ZNF568: variants seen among roughly 807,000 people sequenced by gnomAD.
ZNF568 encodes the protein p53 inhibitor of SCO2 activation.
Under a neutral mutation model 18.1 loss-of-function variants are expected in ZNF568, and 11 were observed. The observed-to-expected ratio is 0.61, with a 90% CI of 0.38 to 1.00. ZNF568 has a LOEUF of 1.00. ZNF568 is among the 50% of genes least tolerant of loss of function. The probability of loss-of-function intolerance (pLI) is 0.01; values close to 1 mark genes in which losing one functional copy is unlikely to be tolerated. For missense variants in ZNF568, 639 were observed against 768.2 expected (o/e 0.83, Z 1.99); for synonymous variants, 213 against 246.6 (o/e 0.86, Z 1.28).
rs371390347 is a variant in ZNF568, at chr19:36,950,202, T to G, written c.1049T>G (p.Ile350Ser). 9 of 1,613,728 alleles carry G rather than the reference T, an allele frequency of 5.6e-6. No homozygotes were observed. The highest frequency in any genetic ancestry group is 7.6e-6 in the Non-Finnish European group (9 of 1,179,754). The stretch of plus-strand genomic sequence containing the variant: ...TCCTTCAGCCAGAAGCAAAATCTTA[T>G]TGAGCACGAGAAAATTCATACTGGG... ...GKSFSQKQNLIEHEKIHTGEK... is the reference protein window; with the variant it reads ...GKSFSQKQNLSEHEKIHTGEK... The change falls in exon 7 of 7, where the codon ATT becomes AGT. Residue 350 changes from isoleucine to serine, a missense_variant. Physicochemically the swap from Ile to Ser is moderately radical, Grantham distance 142 (BLOSUM62 -2). Coordinates refer to ENST00000333987, the MANE Select transcript of ZNF568 (RefSeq NM_198539.4).
intron 4 of ZNF568, among the ~76,000 whole-genome samples, chr19:36,928,098 T>C (rs1287699369): frequency 6.7e-6 from 1 of 149,856 alleles, no homozygotes; most frequent in African/African-American, 2.5e-5. Flanking sequence ...GCATTTTTAG[T>C]AGAGATAGGG....
chr19:36,917,990 C>G (rs1191880130), intron 2 of ZNF568, among the ~76,000 whole-genome samples: 1 of 152,126 alleles, frequency 6.6e-6, no homozygotes, highest in Non-Finnish European at 1.5e-5. Flanking sequence ...GCTCTGTCAC[C>G]CAGGCTGGAG....
rs1202622732 is a variant in ZNF568, at chr19:36,950,849, G to A, written c.1696G>A (p.Ala566Thr). 3 of 1,613,576 alleles carry A rather than the reference G, an allele frequency of 1.9e-6. No homozygotes were observed. The highest frequency in any genetic ancestry group is 1.3e-5 in the African/African-American group (1 of 74,896). The change falls in exon 7 of 7, where the codon GCC becomes ACC. Residue 566 changes from alanine to threonine, a missense_variant. Ala to Thr is a moderately conservative substitution (Grantham distance 58, BLOSUM62 0). Coordinates refer to ENST00000333987, the MANE Select transcript of ZNF568 (RefSeq NM_198539.4). ...ATTCAAATGTAATGAATGTGGTAAA[G>A]CCTTCTCTCGAATCTCATCCCTCAC... ...KPFKCNECGK[A>T]FSRISSLTLH...
chr19:36,989,329 C>A (rs151274899), intron 2 of ZNF568, among the ~76,000 whole-genome samples: 3 of 152,038 alleles, frequency 2.0e-5, no homozygotes, highest in Non-Finnish European at 4.4e-5. Context: ...ATTACAGGCA[C>A]GTGCCACCAT....
rs2146315171 is a variant in ZNF568 at position 36,952,112 on chromosome 19, TCA to T, written c.*1027_*1028del. 2 of 773,606 alleles carry T rather than the reference TCA, an allele frequency of 2.6e-6. No homozygotes were observed. The highest frequency in any genetic ancestry group is 4.2e-5 in the African/African-American group (2 of 47,302). The allele number at this position is 773,606 out of a possible 1,614,324, so 47.9% of individuals were successfully genotyped here. The stretch of plus-strand genomic sequence containing the variant: ...AGGTATATATACATCCTATAGAAAC[TCA>T]CAAATAATGCATAAGAAATATATAT... On this transcript the variant is annotated 3_prime_UTR_variant, in exon 7 of 7. Transcript: ENST00000333987.
intron 4 of ZNF568, among the ~76,000 whole-genome samples, chr19:36,928,210 AC>A (rs1316195257): frequency 2.0e-5 from 3 of 151,630 alleles, no homozygotes; most frequent in Non-Finnish European, 4.4e-5. Context: ...GAGCCATTGC[AC>A]CTGTCCCGAA....
At chr19:36,922,130 G>A (rs911781440) in intron 2 of ZNF568, among the ~76,000 whole-genome samples, 2 of 152,182 alleles carry the variant, frequency 1.3e-5, no homozygotes, top group African/African-American at 4.8e-5. Flanking sequence ...ATTTCTGTGG[G>A]AAGTGTCTTC....
At chr19:36,974,661 G>A (rs1395495582) in intron 7 of ZNF568, among the ~76,000 whole-genome samples, 1 of 152,094 alleles carries the variant, frequency 6.6e-6, no homozygotes, top group African/African-American at 2.4e-5. Flanking sequence ...ATCTGATCTA[G>A]AATTTCCACT....
chr19:36,995,687 C>T lies in ZNF568; in HGVS notation c.230-630C>T, dbSNP rs554711113. 2.0e-5 allele frequency among the ~76,000 whole-genome samples: 3 copies of T among 150,988 alleles called. No individual in the cohort carries two copies. The South Asian group carries it at 6.4e-4, about 32-fold the overall frequency. Reference sequence around the variant, plus strand: ...TACCATTTTTGTTCCTATATTGTTTCGTATACAGTAGTCTTTGAAATTATT... The same window carrying T: ...TACCATTTTTGTTCCTATATTGTTTTGTATACAGTAGTCTTTGAAATTATT... On this transcript the variant is annotated intron_variant, in intron 4 of 4. Transcript: ENST00000433993.
chr19:36,917,035 T>G (rs1218710670), intron 1 of ZNF568, among the ~76,000 whole-genome samples: 3 of 152,174 alleles, frequency 2.0e-5, no homozygotes, highest in Non-Finnish European at 4.4e-5. Context: ...CTTTTATGTA[T>G]GTTAGTTAGC....
chr19:36,958,616 CTT>C (rs35494587), intron 6 of ZNF568, among the ~76,000 whole-genome samples: 2 of 99,126 alleles, frequency 2.0e-5, no homozygotes, highest in African/African-American at 4.5e-5. Context: ...CTTTTTCTTT[CTT>C]TTTTTTTTTT....
rs191921845 is a variant in ZNF568, at chr19:36,936,537, T to C, written c.136-209T>C. The C allele has an allele frequency of 6.6e-4, 243 of 365,880 alleles. 4 individuals carry two copies. Among genetic ancestry groups the C allele is most frequent in the African/African-American group, 4.7e-3 (230 of 49,250 alleles). 22.7% of individuals were successfully genotyped at this position (365,880 alleles called of 1,614,324 possible). ...TTACATTTATTTTACCTGGAGTTCA[T>C]TGAGCTTCTTGAATGTATAATGTTT... On this transcript the variant is annotated intron_variant, in intron 4 of 6. Transcript: ENST00000333987.
chr19:36,986,631 C>T (rs1296350959), intron 2 of ZNF568, among the ~76,000 whole-genome samples: 2 of 152,052 alleles, frequency 1.3e-5, no homozygotes, highest in Non-Finnish European at 2.9e-5. Context: ...CTTTTTTTCC[C>T]CCCTCCGTGA....
chr19:36,977,826 T>C (rs1410199399), intron 7 of ZNF568, among the ~76,000 whole-genome samples: 1 of 152,234 alleles, frequency 6.6e-6, no homozygotes, highest in Non-Finnish European at 1.5e-5. Flanking sequence ...CTTAGCCCAT[T>C]TCTGCCATTT....
intron 7 of ZNF568, chr19:36,979,001 G>C: frequency 1.7e-5 from 1 of 58,060 alleles, no homozygotes; most frequent in Non-Finnish European, 3.3e-5. Context: ...TTTTTTTTTT[G>C]AGATGGAGTT....
chr19:36,962,339 T>TC (rs1330277765), intron 6 of ZNF568, among the ~76,000 whole-genome samples: 2 of 146,254 alleles, frequency 1.4e-5, no homozygotes, highest in Non-Finnish European at 1.5e-5. Context: ...TTTCTTTCTT[T>TC]TTTTTTTTTT....
At chr19:36,958,616 CTTTTTT>C (rs35494587) in intron 6 of ZNF568, among the ~76,000 whole-genome samples, 6 of 99,128 alleles carry the variant, frequency 6.1e-5, no homozygotes, top group African/African-American at 2.7e-4. Flanking sequence ...CTTTTTCTTT[CTTTTTT>C]TTTTTTTTTT....
At chr19:36,972,661 G>A (rs116130315) in intron 6 of ZNF568, among the ~76,000 whole-genome samples, 2,095 of 152,308 alleles carry the variant, frequency 0.014, 23 homozygotes, top group African/African-American at 0.025. Context: ...TGAAGCCCCA[G>A]GTCCGGGCCG....
At chr19:36,945,567 G>C (rs2073950288) in intron 6 of ZNF568, among the ~76,000 whole-genome samples, 2 of 152,036 alleles carry the variant, frequency 1.3e-5, no homozygotes, top group Non-Finnish European at 2.9e-5. Flanking sequence ...TTTCAATAAG[G>C]CTTCTGGTCA....
Sources: allele counts gnomAD v4.1 joint callset (sites outside exome capture counted in the v4.1 genomes callset), GRCh38; gene constraint gnomAD v4.1.1; transcripts MANE v1.5; gene names NCBI Gene and HGNC (gene_info 2026-07-23, HGNC 2026-07-21).